Variants in NFXL1 observed in about 807,000 individuals in gnomAD.
The protein encoded by NFXL1 is NF-X1-type zinc finger protein NFXL1.
A neutral mutation model predicts 123.3 loss-of-function variants in NFXL1; 66 were observed. That is an observed-to-expected ratio of 0.54 (90% confidence interval 0.44 to 0.66). The LOEUF (loss-of-function observed/expected upper bound fraction) is 0.66. Among genes scored for constraint, NFXL1 ranks in the 30% least tolerant of loss-of-function variants. The probability of loss-of-function intolerance (pLI) is 0.00; values close to 1 mark genes in which losing one functional copy is unlikely to be tolerated. For missense variants in NFXL1, 944 were observed against 1,125.6 expected, an observed-to-expected ratio of 0.84 and a Z score of 2.31; for synonymous variants, 346 against 360.8, an observed-to-expected ratio of 0.96 and a Z score of 0.46.
intron 1 of NFXL1, 66 bp downstream of exon 1, chr4:47,914,299 G>T: frequency 1.0e-6 from 1 of 973,564 alleles, no homozygotes; most frequent in Non-Finnish European, 1.5e-6. Flanking sequence ...CGGTGTGAGG[G>T]GCCGAGTGAG....
At chr4:47,872,937 C>A (rs1004116833) in intron 18 of NFXL1, among the ~76,000 whole-genome samples, 1 of 152,156 alleles carries the variant, frequency 6.6e-6, no homozygotes, top group African/African-American at 2.4e-5. Context: ...AGCATTTTAC[C>A]CACAGTAGAA....
Position 47,876,983 on chromosome 4 carries a change from C to T in NFXL1, c.2079+1542G>A, listed in dbSNP as rs1164706428. ...TGAGCAAATATTAGGCAGTGAGTAA[C>T]AAAATATGCAAAAAGAACCAAAGTT... On this transcript the variant is annotated intron_variant, in intron 17 of 22. Transcript: ENST00000507489. 4.1e-6 allele frequency: 4 copies of T among 974,674 alleles called. No individual in the cohort carries two copies. The East Asian group carries it at 1.8e-4, about 45-fold the overall frequency. 60.4% of individuals were successfully genotyped at this position (974,674 alleles called of 1,614,324 possible).
rs898772176 is a variant in NFXL1, at chr4:47,851,945, A to G, written c.2422-3T>C. 2 of 1,599,190 alleles carry G rather than the reference A, an allele frequency of 1.3e-6. No homozygotes were observed. The highest frequency in any genetic ancestry group is 1.7e-6 in the Non-Finnish European group (2 of 1,168,352). ...CGTACTTTGTTGCACTGCAATTCCT[A>G]CAAACAACCCGATTTTCAAATTTTA... On this transcript the variant is annotated splice_region_variant and splice_polypyrimidine_tract_variant and intron_variant, in intron 20 of 22. Coordinates refer to ENST00000507489, the MANE Select transcript of NFXL1 (RefSeq NM_001278624.2).
Position 47,906,477 on chromosome 4 carries a change from T to C in NFXL1, c.407-1131A>G, listed in dbSNP as rs1359887198. 2.0e-5 allele frequency among the ~76,000 whole-genome samples: 3 copies of C among 152,218 alleles called. No homozygotes were observed. The East Asian group carries it at 5.8e-4, about 29-fold the overall frequency. ...AAAGCTTGCCCTACCATAAAATAAA[T>C]ATGATTTAGAACATTAAGCAAAATA... On this transcript the variant is annotated intron_variant, in intron 3 of 22. Transcript: ENST00000507489.
In NFXL1 at chr4:47,861,049, C is replaced by T. The variant is rs553093510; in HGVS notation, c.2316+1797G>A. On this transcript the variant is annotated intron_variant, in intron 19 of 22. Transcript: ENST00000507489. ...TTTTTTTTGTATTTTTTAGTAGAAA[C>T]GGGGTTTCACCATGTTAGCCAGGCT... Among the ~76,000 whole-genome samples, 9 of 147,002 alleles carry T rather than the reference C, an allele frequency of 6.1e-5. No individual in the cohort carries two copies. The East Asian group carries it at 8.0e-4, about 13-fold the overall frequency.
intron 2 of NFXL1, among the ~76,000 whole-genome samples, chr4:47,912,613 C>T (rs1737887904): frequency 6.7e-6 from 1 of 150,018 alleles, no homozygotes; most frequent in African/African-American, 2.4e-5. Context: ...CGCCTGCCAC[C>T]CCGCCCGGCT....
chr4:47,863,526 AC>A (rs1216088926), intron 18 of NFXL1, among the ~76,000 whole-genome samples: 3 of 152,102 alleles, frequency 2.0e-5, no homozygotes, highest in Non-Finnish European at 4.4e-5. Flanking sequence ...CACTAAAAAT[AC>A]AAAAATTAGC....
intron 19 of NFXL1, among the ~76,000 whole-genome samples, chr4:47,859,702 C>T (rs979963456): frequency 6.6e-6 from 1 of 151,542 alleles, no homozygotes; most frequent in East Asian, 1.9e-4. Flanking sequence ...ATTTGCTGGG[C>T]GTAGTGGCGG....
Sources: gnomAD v4.1 joint callset for allele counts (sites outside exome capture counted in the v4.1 genomes callset) on GRCh38, gnomAD v4.1.1 for gene constraint, MANE v1.5 for transcripts, NCBI Gene and HGNC (gene_info 2026-07-23, HGNC 2026-07-21) for gene names.